CACNA2D1: variants seen among roughly 807,000 people sequenced by gnomAD.
CACNA2D1 encodes the protein voltage-dependent calcium channel subunit alpha-2/delta-1.
In CACNA2D1, 53 loss-of-function variants were observed where a neutral mutation model predicts 171.5. The observed-to-expected ratio is 0.31, with a 90% CI of 0.25 to 0.39. The LOEUF is 0.39. CACNA2D1 is among the 10% of genes least tolerant of loss of function. CACNA2D1 has a pLI of 1.00. For missense variants in CACNA2D1, 903 were observed against 1,299.8 expected, an observed-to-expected ratio of 0.69 and a Z score of 4.69; for synonymous variants, 442 against 443.1, an observed-to-expected ratio of 1.00 and a Z score of 0.03.
Position 81,991,155 on chromosome 7 carries a change from A to G in CACNA2D1, c.1796+30T>C, listed in dbSNP as rs765398778. On this transcript the variant is annotated intron_variant, in intron 21 of 38. Coordinates refer to ENST00000356860, the MANE Select transcript of CACNA2D1 (RefSeq NM_000722.4). ...AGACTTAATATTAATCCATTGGAAT[A>G]CACAATACACATAAAATACAGTTAA... 3.7e-6 allele frequency: 4 copies of G among 1,069,274 alleles called. No individual in the cohort carries two copies. In the South Asian group the frequency reaches 5.0e-5, roughly 13 times the overall value. The allele number at this position is 1,069,274 out of a possible 1,614,324, so 66.2% of individuals were successfully genotyped here.
intron 10 of CACNA2D1, 38 bp from the exon 11 acceptor site, chr7:82,038,273 TA>T: frequency 6.5e-7 from 1 of 1,541,712 alleles, no homozygotes; most frequent in Non-Finnish European, 8.9e-7. Context: ...AAATGAACAT[TA>T]AAATCAACCA....
chr7:81,961,312 A>G (rs1794085203), intron 36 of CACNA2D1, among the ~76,000 whole-genome samples: 1 of 151,986 alleles, frequency 6.6e-6, no homozygotes, highest in South Asian at 2.1e-4. Flanking sequence ...TTTAAAAGAT[A>G]TTTTATGGAT....
intron 3 of CACNA2D1, among the ~76,000 whole-genome samples, chr7:82,297,924 G>A (rs1265191401): frequency 1.3e-5 from 2 of 151,994 alleles, no homozygotes; most frequent in African/African-American, 4.8e-5. Flanking sequence ...AGAATTTATT[G>A]CCAAGGGGTG....
intron 24 of CACNA2D1, among the ~76,000 whole-genome samples, chr7:81,980,403 CA>C (rs1796332612): frequency 6.6e-6 from 1 of 151,924 alleles, no homozygotes; most frequent in Admixed American, 6.6e-5. Flanking sequence ...TGTGCTCCAA[CA>C]AAAATTTATG....
intron 1 of CACNA2D1, among the ~76,000 whole-genome samples, chr7:82,384,981 T>C (rs1281856644): frequency 6.6e-6 from 1 of 152,228 alleles, no homozygotes; most frequent in African/African-American, 2.4e-5. Flanking sequence ...TTGCACACTT[T>C]AGCCCCTACT....
intron 2 of CACNA2D1, among the ~76,000 whole-genome samples, chr7:82,348,544 C>T (rs547296074): frequency 1.8e-4 from 27 of 152,242 alleles, no homozygotes; most frequent in Admixed American, 7.8e-4. Context: ...CATTTCCAAA[C>T]GTATTCCTTA....
At chr7:82,104,027 A>T (rs1369335625) in intron 6 of CACNA2D1, among the ~76,000 whole-genome samples, 5 of 152,086 alleles carry the variant, frequency 3.3e-5, no homozygotes, top group Admixed American at 1.3e-4. Context: ...ATTAAAATAT[A>T]AACCATCTCA....
intron 1 of CACNA2D1, among the ~76,000 whole-genome samples, chr7:82,435,988 T>C (rs1038301219): frequency 6.6e-6 from 1 of 152,198 alleles, no homozygotes; most frequent in Non-Finnish European, 1.5e-5. Context: ...GCCCCTTCAG[T>C]ATGCAATGTA....
At chr7:82,383,586 T>C (rs545506605) in intron 1 of CACNA2D1, among the ~76,000 whole-genome samples, 2 of 152,312 alleles carry the variant, frequency 1.3e-5, no homozygotes, top group South Asian at 4.1e-4. Flanking sequence ...AATGAAATAG[T>C]GGCAAATATG....
At chr7:82,239,585 A>G (rs1216677318) in intron 3 of CACNA2D1, among the ~76,000 whole-genome samples, 2 of 152,160 alleles carry the variant, frequency 1.3e-5, no homozygotes, top group East Asian at 3.8e-4. Flanking sequence ...AAAGCTTTTC[A>G]CTAGAAAGAG....
At position 82,066,538 on chromosome 7, in the gene CACNA2D1, AAAAAG is replaced by A. The variant is rs1262363555; in HGVS notation, c.659-19_659-15del. Reference sequence around the variant, plus strand: ...CCCATGGTGAAGCTAAAAAAAAAAAAAAAAGAGAGATATTAAATCAAAATATTAGA... The same window carrying A: ...CCCATGGTGAAGCTAAAAAAAAAAAAAGAGATATTAAATCAAAATATTAGA... On this transcript the variant is annotated splice_polypyrimidine_tract_variant and intron_variant, in intron 7 of 38. Coordinates refer to ENST00000356860, the MANE Select transcript of CACNA2D1 (RefSeq NM_000722.4). 2 of 1,591,584 alleles carry A rather than the reference AAAAAG, an allele frequency of 1.3e-6. No individual in the cohort carries two copies. The highest frequency in any genetic ancestry group is 1.7e-6 in the Non-Finnish European group (2 of 1,172,256).
intron 4 of CACNA2D1, among the ~76,000 whole-genome samples, chr7:82,137,973 G>A (rs142263044): frequency 1.0e-3 from 155 of 151,998 alleles, no homozygotes; most frequent in African/African-American, 3.7e-3. Context: ...CCCCCTCCCC[G>A]CAAAAATCAC....
chr7:82,246,071 T>A (rs1173772849), intron 3 of CACNA2D1, among the ~76,000 whole-genome samples: 1 of 151,946 alleles, frequency 6.6e-6, no homozygotes, highest in Non-Finnish European at 1.5e-5. Flanking sequence ...CTAGGTTTTT[T>A]AAAAGACACC....
chr7:81,976,267 TA>T (rs1795828728), intron 24 of CACNA2D1, among the ~76,000 whole-genome samples: 1 of 151,790 alleles, frequency 6.6e-6, no homozygotes. Flanking sequence ...TAGTTTTTTC[TA>T]ATTCTGTGAA....
chr7:82,178,580 C>A (rs1796797145), intron 3 of CACNA2D1, among the ~76,000 whole-genome samples: 1 of 152,054 alleles, frequency 6.6e-6, no homozygotes, highest in African/African-American at 2.4e-5. Context: ...GGTGTCATTC[C>A]TGAAAATCTA....
intron 17 of CACNA2D1, 93 bp downstream of exon 17, chr7:82,005,672 G>T: frequency 1.0e-6 from 1 of 962,564 alleles, no homozygotes; most frequent in Non-Finnish European, 1.7e-6. Context: ...TAAGATAACT[G>T]CCCATAATTT....
chr7:82,072,467 G>C (rs1017239356), intron 7 of CACNA2D1, among the ~76,000 whole-genome samples: 2 of 151,730 alleles, frequency 1.3e-5, no homozygotes, highest in African/African-American at 4.8e-5. Context: ...TGCTATATAA[G>C]ACTTCTAGTG....
intron 3 of CACNA2D1, among the ~76,000 whole-genome samples, chr7:82,323,666 C>T (rs1422347673): frequency 1.3e-5 from 2 of 152,174 alleles, no homozygotes; most frequent in Non-Finnish European, 2.9e-5. Context: ...GTAGTTTTTG[C>T]CTGTGTGAGT....
chr7:82,056,048 G>A (rs189263933), intron 10 of CACNA2D1, among the ~76,000 whole-genome samples: 7 of 111,344 alleles, frequency 6.3e-5, no homozygotes, highest in Non-Finnish European at 9.2e-5. Flanking sequence ...GTATCAACAC[G>A]GCCCACCTTG....
Sources: gnomAD v4.1 joint callset for allele counts (sites outside exome capture counted in the v4.1 genomes callset) on GRCh38, gnomAD v4.1.1 for gene constraint, MANE v1.5 for transcripts, NCBI Gene and HGNC (gene_info 2026-07-23, HGNC 2026-07-21) for gene names.